The following SLC25A21 variants were observed in gnomAD, a reference collection of about 807,000 sequenced individuals.
SLC25A21 encodes solute carrier family 25 member 21.
A neutral mutation model predicts 43.8 loss-of-function variants in SLC25A21; 47 were observed. That is an observed-to-expected ratio of 1.07 (90% CI 0.85 to 1.37). SLC25A21 has a LOEUF of 1.37. SLC25A21 is among the 40% of genes most tolerant of loss of function. The probability of loss-of-function intolerance (pLI) is 0.00; values close to 1 mark genes in which losing one functional copy is unlikely to be tolerated. For missense variants in SLC25A21, 352 were observed against 350.2 expected (o/e 1.00, Z -0.04); for synonymous variants, 131 against 121.3 (o/e 1.08, Z -0.52).
At chr14:36,744,873 A>G (rs372546885) in intron 3 of SLC25A21, among the ~76,000 whole-genome samples, 33 of 139,766 alleles carry the variant, frequency 2.4e-4, no homozygotes, top group African/African-American at 9.0e-4. Flanking sequence ...CTTTTTTTTT[A>G]TTATAGTTTA....
chr14:37,035,494 G>A (rs2138775011), intron 1 of SLC25A21, among the ~76,000 whole-genome samples: 1 of 152,366 alleles, frequency 6.6e-6, no homozygotes, highest in South Asian at 2.1e-4. Context: ...AGGAAGAGGT[G>A]AAGTGTCTCT....
chr14:37,163,666 T>TA (rs1179001656), intron 1 of SLC25A21, among the ~76,000 whole-genome samples: 22 of 152,228 alleles, frequency 1.4e-4, no homozygotes, highest in Admixed American at 5.9e-4. Flanking sequence ...ATTTTAAAGA[T>TA]ACCACCAGGG....
At position 37,163,950 on chromosome 14, in the gene SLC25A21, G is replaced by C. The variant is rs188415533; in HGVS notation, c.70+8331C>G. The stretch of plus-strand genomic sequence containing the variant: ...TAATATGATCAACAAACATTTCTGA[G>C]CCCCTACTTGCTATACTCTGAAACA... On this transcript the variant is annotated intron_variant, in intron 1 of 9. Transcript: ENST00000331299. 5.5e-4 allele frequency among the ~76,000 whole-genome samples: 83 copies of C among 152,178 alleles called. No homozygotes were observed. In the Middle Eastern group the frequency reaches 0.01, roughly 19 times the overall value.
At chr14:37,151,722 A>C (rs1374108692) in intron 1 of SLC25A21, among the ~76,000 whole-genome samples, 1 of 152,108 alleles carries the variant, frequency 6.6e-6, no homozygotes, top group Non-Finnish European at 1.5e-5. Context: ...AAGATATTTA[A>C]TTTCTCTGAG....
At chr14:36,864,872 G>A (rs545699894) in intron 2 of SLC25A21, among the ~76,000 whole-genome samples, 2 of 152,096 alleles carry the variant, frequency 1.3e-5, no homozygotes, top group Admixed American at 6.5e-5. Context: ...TTTATACCAC[G>A]GGCAAATCAT....
intron 3 of SLC25A21, among the ~76,000 whole-genome samples, chr14:36,772,332 T>TA (rs915319111): frequency 2.6e-5 from 4 of 152,264 alleles, no homozygotes; most frequent in Non-Finnish European, 4.4e-5. Context: ...TCCTGAGACA[T>TA]AAAAAAATCT....
Position 36,851,532 on chromosome 14 carries a change from T to G in SLC25A21, c.119+23424A>C, listed in dbSNP as rs191834245. Reference sequence around the variant, plus strand: ...CTTGGGATAAGGCAGACTATTTTTATGAATAACATAATATGCTTGGTAACA... The same window carrying G: ...CTTGGGATAAGGCAGACTATTTTTAGGAATAACATAATATGCTTGGTAACA... On this transcript the variant is annotated intron_variant, in intron 2 of 9. Coordinates refer to ENST00000331299, the MANE Select transcript of SLC25A21 (RefSeq NM_030631.4). Among the ~76,000 whole-genome samples, 661 of 152,322 alleles carry G rather than the reference T, an allele frequency of 4.3e-3. 7 individuals are homozygous for G. The highest frequency in any genetic ancestry group is 0.015 in the African/African-American group (627 of 41,562).
In SLC25A21 at chr14:36,790,279, C is replaced by T. The variant is rs566678731; in HGVS notation, c.203+23639G>A. 5.9e-5 allele frequency among the ~76,000 whole-genome samples: 9 copies of T among 152,058 alleles called. 1 individual carries two copies. The South Asian group carries it at 1.9e-3, about 32-fold the overall frequency. ...TGTCCAAACCATAATAAATCATCAT[C>T]AAAGCTTCAGACCTGTGCAAAAATT... On this transcript the variant is annotated intron_variant, in intron 3 of 9. Transcript: ENST00000331299.
intron 1 of SLC25A21, among the ~76,000 whole-genome samples, chr14:37,062,000 AATG>A (rs1488447034): frequency 6.1e-5 from 9 of 148,258 alleles, no homozygotes; most frequent in Admixed American, 6.1e-4. Context: ...TCCATGGGAA[AATG>A]GTCCAAACAG....
chr14:36,911,758 A>T (rs1254241778), intron 1 of SLC25A21, among the ~76,000 whole-genome samples: 1 of 152,110 alleles, frequency 6.6e-6, no homozygotes, highest in African/African-American at 2.4e-5. Flanking sequence ...GACCAGTAGG[A>T]GGATAACCCA....
At chr14:37,146,216 G>A (rs959718739) in intron 1 of SLC25A21, among the ~76,000 whole-genome samples, 8 of 152,130 alleles carry the variant, frequency 5.3e-5, no homozygotes, top group African/African-American at 1.9e-4. Flanking sequence ...CCTGTCCTGT[G>A]CCAGGTTATC....
At chr14:37,076,103 C>T (rs1334703786) in intron 1 of SLC25A21, among the ~76,000 whole-genome samples, 5 of 152,212 alleles carry the variant, frequency 3.3e-5, no homozygotes, top group Admixed American at 3.3e-4. Flanking sequence ...TAAAAAATGA[C>T]AATTCAGTTG....
intron 3 of SLC25A21, among the ~76,000 whole-genome samples, chr14:36,800,326 C>A (rs556685115): frequency 1.3e-5 from 2 of 152,188 alleles, no homozygotes; most frequent in African/African-American, 4.8e-5. Context: ...GCCCAAGGGT[C>A]CACTGACACC....
intron 2 of SLC25A21, among the ~76,000 whole-genome samples, chr14:36,825,764 T>C (rs1331339345): frequency 6.6e-6 from 1 of 152,192 alleles, no homozygotes; most frequent in Non-Finnish European, 1.5e-5. Flanking sequence ...ATACTAAAAA[T>C]TAAACATAAT....
chr14:36,902,320 A>G (rs1317194278), intron 1 of SLC25A21, among the ~76,000 whole-genome samples: 2 of 152,174 alleles, frequency 1.3e-5, no homozygotes, highest in Admixed American at 6.5e-5. Flanking sequence ...ACCAGAGTCC[A>G]GCCATCCCAG....
At chr14:37,028,772 A>G (rs1214284235) in intron 1 of SLC25A21, among the ~76,000 whole-genome samples, 2 of 152,212 alleles carry the variant, frequency 1.3e-5, no homozygotes, top group Non-Finnish European at 2.9e-5. Flanking sequence ...TCAGTTCCCA[A>G]TGAAAGAGAG....
intron 1 of SLC25A21, among the ~76,000 whole-genome samples, chr14:36,901,644 T>C (rs1297150433): frequency 6.6e-6 from 1 of 152,164 alleles, no homozygotes; most frequent in East Asian, 1.9e-4. Flanking sequence ...GTTGTAAAAG[T>C]ACCAGTTAGT....
intron 1 of SLC25A21, among the ~76,000 whole-genome samples, chr14:37,071,622 CA>C (rs1197319180): frequency 6.6e-6 from 1 of 152,132 alleles, no homozygotes; most frequent in Non-Finnish European, 1.5e-5. Flanking sequence ...AGTTAGAAAG[CA>C]ATTAACTAGA....
At chr14:36,893,843 T>C (rs1452232312) in intron 1 of SLC25A21, among the ~76,000 whole-genome samples, 2 of 152,178 alleles carry the variant, frequency 1.3e-5, no homozygotes, top group African/African-American at 4.8e-5. Flanking sequence ...AAAGATCAGA[T>C]GGTTGTAGAT....
Sources: gnomAD v4.1 joint callset for allele counts (sites outside exome capture counted in the v4.1 genomes callset) on GRCh38, gnomAD v4.1.1 for gene constraint, MANE v1.5 for transcripts, NCBI Gene and HGNC (gene_info 2026-07-23, HGNC 2026-07-21) for gene names.